JAG2: variants seen among roughly 807,000 people sequenced by gnomAD.
JAG2 encodes protein jagged-2.
A neutral mutation model predicts 141.7 loss-of-function variants in JAG2; 46 were observed. The ratio of observed to expected loss-of-function variants is 0.32; its 90% CI spans 0.26 to 0.42. The LOEUF (loss-of-function observed/expected upper bound fraction) is 0.42. JAG2 is among the 10% of genes least tolerant of loss of function. The pLI, the probability that JAG2 is intolerant of heterozygous loss-of-function variation, is 1.00. For missense variants in JAG2, 1,500 were observed against 1,817.5 expected (o/e 0.83, Z 3.18); for synonymous variants, 862 against 763.5 (o/e 1.13, Z -2.13).
At chr14:105,150,467 G>A in intron 12 of JAG2, 137 bp downstream of exon 12, 2 of 875,348 alleles carry the variant, frequency 2.3e-6, no homozygotes, top group South Asian at 1.7e-5. Context: ...ACCCAGTGGA[G>A]AGCTGAGCCT....
chr14:105,147,897 A>AGAG lies in JAG2; in HGVS notation c.2249-12_2249-10dup, dbSNP rs771756193. On this transcript the variant is annotated splice_polypyrimidine_tract_variant and intron_variant, in intron 17 of 25. Transcript: ENST00000331782. ...GCAGCTGCTGTTCTTGGCTGTAAGGAGAGGAGGAGGAGGGAGCGTCTCACC... is the reference window on the plus strand; with the variant it reads ...GCAGCTGCTGTTCTTGGCTGTAAGGAGAGGAGGAGGAGGAGGGAGCGTCTCACC... 4.5e-6 allele frequency: 7 copies of AGAG among 1,544,512 alleles called. No homozygotes were observed. Among genetic ancestry groups the AGAG allele is most frequent in the African/African-American group, 2.7e-5 (2 of 72,834 alleles).
chr14:105,148,087 C>T (rs1438634558), intron 17 of JAG2, 29 bp downstream of exon 17: 36 of 1,511,578 alleles, frequency 2.4e-5, no homozygotes, highest in South Asian at 1.2e-4. Flanking sequence ...ATATGCCCGG[C>T]GGTCGCAGAG....
rs1291566836 is a variant in JAG2 at position 105,142,665 on chromosome 14, C to T, written c.*30G>A. ...AGACGGCATGGCTCCCACCGAGGGCCCTGGGTCCCGGCCCAGCTGGCAGCC... is the reference window on the plus strand; with the variant it reads ...AGACGGCATGGCTCCCACCGAGGGCTCTGGGTCCCGGCCCAGCTGGCAGCC... On this transcript the variant is annotated 3_prime_UTR_variant, in exon 26 of 26. Coordinates refer to ENST00000331782, the MANE Select transcript of JAG2 (RefSeq NM_002226.5). 1.9e-6 allele frequency: 3 copies of T among 1,546,526 alleles called. No individual in the cohort carries two copies. The highest frequency in any genetic ancestry group is 2.6e-6 in the Non-Finnish European group (3 of 1,137,508).
At chr14:105,163,344 C>T (rs1463658881) in intron 2 of JAG2, among the ~76,000 whole-genome samples, 1 of 152,172 alleles carries the variant, frequency 6.6e-6, no homozygotes, top group Non-Finnish European at 1.5e-5. Context: ...CGCAGGAACA[C>T]ACACACCCAT....
chr14:105,152,113 C>T lies in JAG2; in HGVS notation c.919+48G>A, dbSNP rs750409655. ...AAGCCGGCCCCCCGCTCCCCCACAA[C>T]CCACACTTCGATGGCAGAGCATTAG... On this transcript the variant is annotated intron_variant, in intron 6 of 25. Transcript: ENST00000331782. 11 of 1,613,314 alleles carry T rather than the reference C, an allele frequency of 6.8e-6. No homozygotes were observed. In the African/African-American group the frequency reaches 1.2e-4, roughly 18 times the overall value.
At chr14:105,168,269 C>T in intron 1 of JAG2, 86 bp downstream of exon 1, 3 of 722,542 alleles carry the variant, frequency 4.2e-6, no homozygotes, top group Non-Finnish European at 3.4e-6. Flanking sequence ...CGAACCACGG[C>T]GGCCCCAGGC....
At chr14:105,147,655 TG>T in intron 18 of JAG2, 116 bp downstream of exon 18, 1 of 763,444 alleles carries the variant, frequency 1.3e-6, no homozygotes. Context: ...TGCCTTTTGC[TG>T]GGGGCAGGGG....
chr14:105,151,215 C>G, intron 9 of JAG2, 68 bp downstream of exon 9: 3 of 1,490,182 alleles, frequency 2.0e-6, no homozygotes, highest in South Asian at 1.2e-5. Flanking sequence ...GCAGCCCCCG[C>G]AGCCCCAGCA....
chr14:105,155,661 G>C, intron 4 of JAG2, 39 bp from the exon 5 acceptor site: 1 of 1,612,348 alleles, frequency 6.2e-7, no homozygotes, highest in Non-Finnish European at 8.5e-7. Flanking sequence ...GCTGCAGCCA[G>C]CCTGGCCGCA....
intron 15 of JAG2, 95 bp downstream of exon 15, chr14:105,148,650 G>C: frequency 1.7e-6 from 2 of 1,177,076 alleles, no homozygotes; most frequent in South Asian, 2.7e-5. Context: ...CTGGGTACGG[G>C]GCCTGCCGCA....
chr14:105,160,601 G>A (rs587745314), intron 2 of JAG2, among the ~76,000 whole-genome samples: 2 of 151,814 alleles, frequency 1.3e-5, no homozygotes, highest in Non-Finnish European at 2.9e-5. Context: ...AGTGGCTCAC[G>A]CCTGTAATCC....
In JAG2 at chr14:105,168,136, G is replaced by A. The variant is rs745796269; in HGVS notation, c.67-29C>T. On this transcript the variant is annotated intron_variant, in intron 1 of 25. Coordinates refer to ENST00000331782, the MANE Select transcript of JAG2 (RefSeq NM_002226.5). Reference sequence around the variant, plus strand: ...AAAATAAGGCAGCGGGAGAGCGGAGGGAGGCGCGGGCCGGGGTCGGCGGGC... The same window carrying A: ...AAAATAAGGCAGCGGGAGAGCGGAGAGAGGCGCGGGCCGGGGTCGGCGGGC... 6 of 1,479,048 alleles carry A rather than the reference G, an allele frequency of 4.1e-6. No homozygotes were observed. The Admixed American group carries it at 1.1e-4, about 28-fold the overall frequency. 91.6% of individuals were successfully genotyped at this position (1,479,048 alleles called of 1,614,324 possible). A position where few individuals can be genotyped will look rare whatever the true frequency, so the allele number is the denominator to read the frequency against.
chr14:105,166,798 C>T (rs1447461531), intron 2 of JAG2, among the ~76,000 whole-genome samples: 1 of 152,200 alleles, frequency 6.6e-6, no homozygotes, highest in Non-Finnish European at 1.5e-5. Context: ...CACTTCCTGG[C>T]TCCCAGATCC....
At chr14:105,165,121 C>T (rs1403801206) in intron 2 of JAG2, among the ~76,000 whole-genome samples, 1 of 152,182 alleles carries the variant, frequency 6.6e-6, no homozygotes, top group Non-Finnish European at 1.5e-5. Flanking sequence ...CAGAGATGGG[C>T]CAGCCAGGCA....
At chr14:105,147,624 G>T in intron 18 of JAG2, 97 bp from the exon 19 acceptor site, 1 of 1,334,638 alleles carries the variant, frequency 7.5e-7, no homozygotes, top group Non-Finnish European at 1.1e-6. Context: ...CTGTGGGGCT[G>T]GGGAGGGTCA....
At position 105,142,635 on chromosome 14, in the gene JAG2, C is replaced by A; in HGVS notation, c.*60G>T. The A allele has an allele frequency of 7.5e-7, 1 of 1,333,350 alleles. No homozygotes were observed. The highest frequency in any genetic ancestry group is 1.0e-6 in the Non-Finnish European group (1 of 960,930). 82.6% of individuals were successfully genotyped at this position (1,333,350 alleles called of 1,614,324 possible). A position where few individuals can be genotyped will look rare whatever the true frequency, so the allele number is the denominator to read the frequency against. ...ATGCACATGGCCTCGGCCTCCGGGT[C>A]CGGCAGACGGCATGGCTCCCACCGA... On this transcript the variant is annotated 3_prime_UTR_variant, in exon 26 of 26. Coordinates refer to ENST00000331782, the MANE Select transcript of JAG2 (RefSeq NM_002226.5).
chr14:105,159,112 G>A (rs1217038031), intron 2 of JAG2, among the ~76,000 whole-genome samples: 2 of 151,644 alleles, frequency 1.3e-5, no homozygotes, highest in Non-Finnish European at 2.9e-5. Context: ...ACCCAGCCCA[G>A]CCTCCAGGAC....
Position 105,146,411 on chromosome 14 carries a change from G to A in JAG2, c.2683C>T (p.Leu895=). 1 of 1,612,690 alleles carries A rather than the reference G, an allele frequency of 6.2e-7. No homozygotes were observed. The highest frequency in any genetic ancestry group is 8.5e-7 in the Non-Finnish European group (1 of 1,179,866). ...TTGCTGCAGTCACGGCGGCCATCCAGGCAGCGGCAGCTGTTGCAGTCTTCC... is the reference window on the plus strand; with the variant it reads ...TTGCTGCAGTCACGGCGGCCATCCAAGCAGCGGCAGCTGTTGCAGTCTTCC... The part of the protein sequence containing the change: ...WVEDCNSCRC[L]DGRRDCSKVW... Residue 895 remains leucine, a synonymous_variant, in exon 22 of 26, where the codon CTG becomes TTG. Transcript: ENST00000331782.
rs1271328604 is a variant in JAG2, at chr14:105,150,847, C to T, written c.1428+18G>A. On this transcript the variant is annotated intron_variant, in intron 11 of 25. Transcript: ENST00000331782. ...CCCCGCAGCACCCACGCCACACACC[C>T]TCCTGGCCCCGCCTCACCTTGCAGG... 5 of 1,575,866 alleles carry T rather than the reference C, an allele frequency of 3.2e-6. No individual in the cohort carries two copies. Among genetic ancestry groups the T allele is most frequent in the Non-Finnish European group, 3.4e-6 (4 of 1,161,068 alleles).
Sources: allele counts gnomAD v4.1 joint callset (sites outside exome capture counted in the v4.1 genomes callset), GRCh38; gene constraint gnomAD v4.1.1; transcripts MANE v1.5; gene names NCBI Gene and HGNC (gene_info 2026-07-23, HGNC 2026-07-21).